NRG3: variants seen among roughly 807,000 people sequenced by gnomAD.
NRG3 encodes neuregulin 3.
NRG3 carries 31 observed loss-of-function variants against 66.9 expected under a neutral mutation model. The observed-to-expected ratio is 0.46, with a 90% confidence interval of 0.35 to 0.63. The LOEUF is 0.63. Among genes scored for constraint, NRG3 ranks in the 20% least tolerant of loss-of-function variants. The pLI is 0.00. For synonymous variants in NRG3, 393 were observed against 359.4 expected (o/e 1.09, Z -1.06); for missense variants, 910 against 878.9 (o/e 1.04, Z -0.45).
intron 2 of NRG3, among the ~76,000 whole-genome samples, chr10:82,712,062 T>C (rs1430200144): frequency 6.6e-6 from 1 of 152,224 alleles, no homozygotes; most frequent in Admixed American, 6.5e-5. Flanking sequence ...AATTTTATAA[T>C]TCTCTCCAAA....
chr10:82,041,461 C>A (rs1453691855), intron 1 of NRG3, among the ~76,000 whole-genome samples: 2 of 151,998 alleles, frequency 1.3e-5, no homozygotes, highest in East Asian at 3.9e-4. Flanking sequence ...ACTTGTAAAT[C>A]TGCCTCATTC....
At chr10:82,488,244 A>G (rs948468067) in intron 2 of NRG3, among the ~76,000 whole-genome samples, 2 of 152,160 alleles carry the variant, frequency 1.3e-5, no homozygotes, top group African/African-American at 4.8e-5. Context: ...CCTGCCTGGT[A>G]TGCTAAACAT....
chr10:82,004,697 A>G (rs1477894473), intron 1 of NRG3, among the ~76,000 whole-genome samples: 1 of 152,166 alleles, frequency 6.6e-6, no homozygotes, highest in Non-Finnish European at 1.5e-5. Flanking sequence ...GTCTTTAAAG[A>G]GGTAATTATA....
chr10:82,393,141 G>A (rs2086496809), intron 2 of NRG3, among the ~76,000 whole-genome samples: 1 of 152,178 alleles, frequency 6.6e-6, no homozygotes, highest in South Asian at 2.1e-4. Flanking sequence ...GCAATTCAAA[G>A]TATCAACACT....
chr10:82,473,211 G>A (rs1201404261), intron 2 of NRG3, among the ~76,000 whole-genome samples: 2 of 152,190 alleles, frequency 1.3e-5, no homozygotes, highest in Non-Finnish European at 2.9e-5. Flanking sequence ...CTAAAATGGA[G>A]TGCCTATTCA....
At chr10:82,846,744 A>G (rs2063326008) in intron 3 of NRG3, among the ~76,000 whole-genome samples, 1 of 152,236 alleles carries the variant, frequency 6.6e-6, no homozygotes, top group South Asian at 2.1e-4. Context: ...ATTTCTAAGA[A>G]AAGGATATCC....
At chr10:82,544,619 G>A (rs1166963481) in intron 2 of NRG3, among the ~76,000 whole-genome samples, 1 of 152,124 alleles carries the variant, frequency 6.6e-6, no homozygotes, top group East Asian at 1.9e-4. Context: ...GGTTTCAGCA[G>A]GAGGGTGAGA....
chr10:82,290,399 C>G (rs141640783), intron 1 of NRG3, among the ~76,000 whole-genome samples: 1 of 152,194 alleles, frequency 6.6e-6, no homozygotes, highest in East Asian at 1.9e-4. Flanking sequence ...CTAGTATTGT[C>G]CACATTATAT....
chr10:82,546,370 T>A (rs971761315), intron 2 of NRG3, among the ~76,000 whole-genome samples: 17 of 152,326 alleles, frequency 1.1e-4, no homozygotes, highest in East Asian at 3.9e-4. Context: ...AGTTTTTTTT[T>A]AAATGATATA....
intron 2 of NRG3, among the ~76,000 whole-genome samples, chr10:82,669,736 G>A (rs1219778111): frequency 6.6e-6 from 1 of 152,080 alleles, no homozygotes; most frequent in Non-Finnish European, 1.5e-5. Context: ...AGAGCATCCT[G>A]GCTAACACGG....
chr10:82,649,242 C>T (rs894104678), intron 2 of NRG3, among the ~76,000 whole-genome samples: 1 of 152,126 alleles, frequency 6.6e-6, no homozygotes, highest in African/African-American at 2.4e-5. Context: ...TTCAAAGAGA[C>T]ACCCCTCTAC....
intron 1 of NRG3, among the ~76,000 whole-genome samples, chr10:82,349,790 G>A (rs554530564): frequency 5.9e-5 from 9 of 152,304 alleles, no homozygotes; most frequent in Non-Finnish European, 8.8e-5. Flanking sequence ...TAAGCCAGTC[G>A]GAAAAGCGCA....
chr10:82,745,325 T>A (rs910482338), intron 3 of NRG3, among the ~76,000 whole-genome samples: 1 of 152,136 alleles, frequency 6.6e-6, no homozygotes, highest in African/African-American at 2.4e-5. Context: ...GACATTTCCA[T>A]GAATAAATTA....
At position 82,346,898 on chromosome 10, in the gene NRG3, G is replaced by A. The variant is rs1218095181; in HGVS notation, c.824-11841G>A. On this transcript the variant is annotated intron_variant, in intron 1 of 8. Transcript: ENST00000372141. ...GTGATGGTAGTTTGTATTTCTGTGG[G>A]ATCGGTGGTGATATCCCCTTTATCA... Among the ~76,000 whole-genome samples, 176 of 152,036 alleles carry A rather than the reference G, an allele frequency of 1.2e-3. 1 individual carries two copies. The highest frequency in any genetic ancestry group is 4.1e-3 in the African/African-American group (168 of 41,478).
intron 1 of NRG3, among the ~76,000 whole-genome samples, chr10:82,090,266 A>T (rs914278526): frequency 6.6e-6 from 1 of 152,226 alleles, no homozygotes; most frequent in Admixed American, 6.5e-5. Context: ...CATAGTTTCA[A>T]TAGGACTGGG....
At chr10:82,643,267 T>C (rs1159289046) in intron 2 of NRG3, among the ~76,000 whole-genome samples, 1 of 151,998 alleles carries the variant, frequency 6.6e-6, no homozygotes, top group Non-Finnish European at 1.5e-5. Context: ...TGTGCTGTTA[T>C]TGTGATAGTG....
intron 4 of NRG3, among the ~76,000 whole-genome samples, chr10:82,885,118 T>A (rs370768661): frequency 1.3e-5 from 2 of 152,210 alleles, no homozygotes; most frequent in East Asian, 1.9e-4. Context: ...TTTGGTAAAG[T>A]CAATCTTCTA....
intron 2 of NRG3, among the ~76,000 whole-genome samples, chr10:82,567,789 C>T (rs561126457): frequency 4.5e-4 from 69 of 152,060 alleles, no homozygotes; most frequent in African/African-American, 1.6e-3. Flanking sequence ...TTTCTTTACA[C>T]CATTACAAAT....
chr10:82,286,291 T>C (rs558362996), intron 1 of NRG3, among the ~76,000 whole-genome samples: 1 of 152,300 alleles, frequency 6.6e-6, no homozygotes, highest in African/African-American at 2.4e-5. Context: ...CTATAGATTA[T>C]TAGTTACATT....
Sources: allele counts gnomAD v4.1 joint callset (sites outside exome capture counted in the v4.1 genomes callset), GRCh38; gene constraint gnomAD v4.1.1; transcripts MANE v1.5; gene names NCBI Gene and HGNC (gene_info 2026-07-23, HGNC 2026-07-21).